Variants in SMARCC1 observed in about 807,000 individuals in gnomAD.
SMARCC1 encodes the protein SWI/SNF related BAF chromatin remodeling complex subunit C1, also known as SWI/SNF complex subunit SMARCC1.
Under a neutral mutation model 147.4 loss-of-function variants are expected in SMARCC1, and 43 were observed. The ratio of observed to expected loss-of-function variants is 0.29; its 90% CI spans 0.23 to 0.38. SMARCC1 has a LOEUF of 0.38. Among genes scored for constraint, SMARCC1 ranks in the 10% least tolerant of loss-of-function variants. The pLI is 1.00. For synonymous variants in SMARCC1, 495 were observed against 484.4 expected (o/e 1.02, Z -0.29); for missense variants, 1,119 against 1,381.1 (o/e 0.81, Z 3.01).
At chr3:47,775,505 G>A (rs991939144) in intron 1 of SMARCC1, among the ~76,000 whole-genome samples, 2 of 148,358 alleles carry the variant, frequency 1.3e-5, no homozygotes, top group African/African-American at 4.9e-5. Context: ...GCGCGGTGGT[G>A]GCTCACACCT....
At chr3:47,698,398 T>C (rs887188409) in intron 11 of SMARCC1, among the ~76,000 whole-genome samples, 2 of 151,990 alleles carry the variant, frequency 1.3e-5, no homozygotes, top group African/African-American at 4.8e-5. Flanking sequence ...AAAGCAAAAA[T>C]GTCTGCTTTC....
At chr3:47,718,389 G>A (rs887395333) in intron 7 of SMARCC1, among the ~76,000 whole-genome samples, 2 of 151,386 alleles carry the variant, frequency 1.3e-5, no homozygotes, top group Non-Finnish European at 2.9e-5. Context: ...AGCTGAGGTT[G>A]CGCCACTGCA....
chr3:47,630,369 C>G (rs1406496746), intron 24 of SMARCC1, among the ~76,000 whole-genome samples: 1 of 152,208 alleles, frequency 6.6e-6, no homozygotes, highest in Non-Finnish European at 1.5e-5. Flanking sequence ...CTTGCTATCA[C>G]TTGCCCTGTC....
intron 9 of SMARCC1, among the ~76,000 whole-genome samples, chr3:47,707,942 C>G (rs1187112797): frequency 6.6e-6 from 1 of 151,952 alleles, no homozygotes; most frequent in African/African-American, 2.4e-5. Flanking sequence ...CTATTCCTTA[C>G]AACTGTATTT....
At chr3:47,668,415 T>C (rs1027241642) in intron 19 of SMARCC1, among the ~76,000 whole-genome samples, 4 of 152,188 alleles carry the variant, frequency 2.6e-5, no homozygotes, top group East Asian at 3.9e-4. Context: ...CGATTAAAGA[T>C]TTTTCTTTTT....
intron 11 of SMARCC1, among the ~76,000 whole-genome samples, chr3:47,698,572 T>C (rs2033882831): frequency 6.6e-6 from 1 of 151,744 alleles, no homozygotes; most frequent in African/African-American, 2.4e-5. Flanking sequence ...TTCCACATAC[T>C]AGGAAAAAAT....
At chr3:47,633,779 TACACACACACACACACACAC>T (rs149363143) in intron 24 of SMARCC1, among the ~76,000 whole-genome samples, 842 of 28,884 alleles carry the variant, frequency 0.029, 221 homozygotes, top group Middle Eastern at 0.094. Context: ...TATATATATA[TACACACACACACACACACAC>T]ACACACACAC....
At chr3:47,759,975 A>C (rs1246416790) in intron 2 of SMARCC1, among the ~76,000 whole-genome samples, 1 of 151,950 alleles carries the variant, frequency 6.6e-6, no homozygotes, top group African/African-American at 2.4e-5. Context: ...ATCAGCCCGT[A>C]CACAGCAATG....
intron 22 of SMARCC1, among the ~76,000 whole-genome samples, chr3:47,637,143 C>T (rs1398688368): frequency 6.6e-6 from 1 of 152,068 alleles, no homozygotes; most frequent in Non-Finnish European, 1.5e-5. Flanking sequence ...CCAAGTGATC[C>T]TACAACCTTC....
At chr3:47,759,266 G>C (rs2034742567) in intron 2 of SMARCC1, among the ~76,000 whole-genome samples, 2 of 151,124 alleles carry the variant, frequency 1.3e-5, no homozygotes, top group South Asian at 4.3e-4. Flanking sequence ...ACCCACCTCA[G>C]CCTCCCAAAA....
Position 47,586,350 on chromosome 3 carries a change from A to G in SMARCC1, c.*1859T>C, listed in dbSNP as rs942176070. ...GGGAAAGACTGGCAGGAAGTAGGTA[A>G]AACCCTGGCCATTGTCAAAAGGCAC... On this transcript the variant is annotated 3_prime_UTR_variant, in exon 28 of 28. Transcript: ENST00000254480. 18 of 152,340 alleles carry G rather than the reference A, an allele frequency of 1.2e-4. No homozygotes were observed. Among genetic ancestry groups the G allele is most frequent in the African/African-American group, 4.1e-4 (17 of 41,586 alleles). The allele number at this position is 152,340 out of a possible 1,614,324, so 9.4% of individuals were successfully genotyped here.
At chr3:47,613,385 C>A (rs34952942) in intron 25 of SMARCC1, among the ~76,000 whole-genome samples, 110 of 141,144 alleles carry the variant, frequency 7.8e-4, no homozygotes, top group Non-Finnish European at 1.3e-3. Flanking sequence ...GAACTTTTCT[C>A]TTTTTTTTTT....
At chr3:47,729,124 A>C (rs977738589) in intron 5 of SMARCC1, 30 bp from the exon 6 acceptor site, 1 of 1,471,610 alleles carries the variant, frequency 6.8e-7, no homozygotes, top group Non-Finnish European at 9.5e-7. Context: ...AAACCACAAA[A>C]ATAAAGCACA....
At chr3:47,754,907 G>A (rs1261563307) in intron 2 of SMARCC1, among the ~76,000 whole-genome samples, 1 of 152,110 alleles carries the variant, frequency 6.6e-6, no homozygotes, top group Non-Finnish European at 1.5e-5. Context: ...GTCAGGCATG[G>A]TGGCGGGCAC....
At chr3:47,639,253 A>G (rs966906930) in intron 21 of SMARCC1, among the ~76,000 whole-genome samples, 2 of 152,244 alleles carry the variant, frequency 1.3e-5, no homozygotes, top group Admixed American at 6.5e-5. Context: ...ACTATGACCC[A>G]GATATTCACT....
intron 16 of SMARCC1, 65 bp from the exon 17 acceptor site, chr3:47,676,847 A>G: frequency 7.2e-7 from 1 of 1,386,078 alleles, no homozygotes; most frequent in Non-Finnish European, 1.0e-6. Context: ...TACTATCATC[A>G]TCATGCCATT....
intron 6 of SMARCC1, among the ~76,000 whole-genome samples, chr3:47,722,054 G>C (rs973449958): frequency 6.6e-6 from 1 of 151,864 alleles, no homozygotes; most frequent in Non-Finnish European, 1.5e-5. Flanking sequence ...ATCAGGCCCT[G>C]TTCCCTAACA....
intron 26 of SMARCC1, chr3:47,603,979 T>C (rs1320310992): frequency 5.7e-5 from 26 of 456,478 alleles, no homozygotes; most frequent in Non-Finnish European, 1.1e-4. Context: ...GGAAGAGCAA[T>C]AGAGGCATGC....
chr3:47,771,953 G>A (rs529340231), intron 2 of SMARCC1, among the ~76,000 whole-genome samples: 15 of 151,778 alleles, frequency 9.9e-5, no homozygotes, highest in South Asian at 4.2e-4. Context: ...GTGGTGGCGC[G>A]CACCTGTAAT....
Sources: allele counts gnomAD v4.1 joint callset (sites outside exome capture counted in the v4.1 genomes callset), GRCh38; gene constraint gnomAD v4.1.1; transcripts MANE v1.5; gene names NCBI Gene and HGNC (gene_info 2026-07-23, HGNC 2026-07-21).